Variants in INSL6 observed in about 807,000 individuals in gnomAD.
INSL6 encodes the protein insulin like 6.
INSL6 carries 16 observed loss-of-function variants against 9.4 expected under a neutral mutation model. The observed-to-expected ratio is 1.70, with a 90% confidence interval of 1.15 to 2.59. INSL6 has a LOEUF of 2.59. Ranked by LOEUF, INSL6 falls within the 30% of genes most tolerant of loss-of-function variation. The pLI is 0.00. For missense variants in INSL6, 391 were observed against 257.3 expected (o/e 1.52, Z -3.56); for synonymous variants, 154 against 96.9 (o/e 1.59, Z -3.46).
At chr9:5,016,880 A>G in the INSL6 span, among the ~76,000 whole-genome samples, 1 of 152,216 alleles carries the variant, frequency 6.6e-6, no homozygotes, top group Non-Finnish European at 1.5e-5. Context: ...AAAATAATTT[A>G]GAGGGAATAA....
At chr9:5,114,564 C>G in the INSL6 span, 1 of 489,346 alleles carries the variant, frequency 2.0e-6, no homozygotes, top group Non-Finnish European at 4.0e-6. Context: ...CTGCCTGATC[C>G]AGAACTTCTG....
At chr9:5,089,431 G>C in the INSL6 span, among the ~76,000 whole-genome samples, 62 of 151,526 alleles carry the variant, frequency 4.1e-4, 1 homozygote, top group East Asian at 1.9e-4. Flanking sequence ...CCAGCTACTG[G>C]GGAGGCTGAG....
the INSL6 span, among the ~76,000 whole-genome samples, chr9:5,101,288 C>T: frequency 1.3e-5 from 2 of 152,226 alleles, no homozygotes; most frequent in Non-Finnish European, 2.9e-5. Flanking sequence ...GCTAGCACAG[C>T]AGCCTAAGAT....
chr9:5,090,882 A>C, the INSL6 span: 42 of 1,606,842 alleles, frequency 2.6e-5, 1 homozygote, highest in Admixed American at 7.0e-4. Context: ...ACTATAAAGT[A>C]AAAGAACCTG....
chr9:5,120,793 G>A (rs1823555135), downstream of INSL6, among the ~76,000 whole-genome samples: 1 of 152,216 alleles, frequency 6.6e-6, no homozygotes, highest in African/African-American at 2.4e-5. Context: ...TTAGACACTG[G>A]AGTGAAAGAT....
At chr9:5,161,706 A>C (rs7023047), downstream of INSL6, among the ~76,000 whole-genome samples, 1 of 152,106 alleles carries the variant, frequency 6.6e-6, no homozygotes. Flanking sequence ...TCCACCAAAA[A>C]ATGATTAGAA....
At chr9:5,075,965 T>C in the INSL6 span, among the ~76,000 whole-genome samples, 1 of 152,162 alleles carries the variant, frequency 6.6e-6, no homozygotes, top group Non-Finnish European at 1.5e-5. Context: ...AAGTTCATTC[T>C]AACCCTCCTG....
intron 2 of INSL6, among the ~76,000 whole-genome samples, chr9:5,146,170 A>C (rs1282834473): frequency 6.6e-6 from 1 of 151,820 alleles, no homozygotes; most frequent in Non-Finnish European, 1.5e-5. Context: ...ATTGTGGTAT[A>C]AAGTGAACTC....
chr9:5,138,165 A>T (rs1824422624), intron 2 of INSL6, among the ~76,000 whole-genome samples: 1 of 152,190 alleles, frequency 6.6e-6, no homozygotes, highest in Non-Finnish European at 1.5e-5. Context: ...ATTGTGGAAG[A>T]TAGTGTGGCT....
At chr9:5,020,671 T>C in the INSL6 span, among the ~76,000 whole-genome samples, 1 of 152,132 alleles carries the variant, frequency 6.6e-6, no homozygotes, top group African/African-American at 2.4e-5. Flanking sequence ...CAGCCTGCAA[T>C]GGTGGCAGCT....
At chr9:5,042,421 GC>G in the INSL6 span, among the ~76,000 whole-genome samples, 3 of 152,160 alleles carry the variant, frequency 2.0e-5, no homozygotes, top group Non-Finnish European at 2.9e-5. Flanking sequence ...ACAGGCGTGA[GC>G]CACCGCGCCC....
the INSL6 span, among the ~76,000 whole-genome samples, chr9:5,095,436 C>T: frequency 6.6e-6 from 1 of 152,148 alleles, no homozygotes; most frequent in South Asian, 2.1e-4. Context: ...CTATAATTCT[C>T]ATGATGGGTA....
the INSL6 span, chr9:5,089,703 G>A: frequency 1.3e-6 from 2 of 1,486,848 alleles, no homozygotes; most frequent in Non-Finnish European, 1.8e-6. Context: ...AGATGTGCCG[G>A]TATGACCCTC....
intron 3 of INSL6, among the ~76,000 whole-genome samples, chr9:5,131,715 C>T (rs1337709979): frequency 1.3e-5 from 2 of 152,140 alleles, no homozygotes; most frequent in African/African-American, 4.8e-5. Flanking sequence ...GCTGGGATTA[C>T]AGGCATGAGG....
At chr9:5,012,624 T>A in the INSL6 span, among the ~76,000 whole-genome samples, 2 of 152,228 alleles carry the variant, frequency 1.3e-5, no homozygotes, top group African/African-American at 4.8e-5. Flanking sequence ...TTGTTATTTT[T>A]ATGAGCATAG....
chr9:5,054,976 G>A, the INSL6 span: 1 of 887,148 alleles, frequency 1.1e-6, no homozygotes, highest in African/African-American at 1.7e-5. This position sits in a 1 kb window ranked among gnomAD's most constrained non-coding sequence, Gnocchi z 4.9. Flanking sequence ...ACATGGTATT[G>A]CACTTCTCCC....
the INSL6 span, among the ~76,000 whole-genome samples, chr9:5,072,331 GA>G: frequency 2.6e-5 from 4 of 152,154 alleles, no homozygotes. Context: ...TAAGGAAGCA[GA>G]ATAAAAGCAT....
the INSL6 span, chr9:5,098,878 TAG>T: frequency 6.6e-6 from 1 of 152,164 alleles, no homozygotes; most frequent in Non-Finnish European, 1.5e-5. Flanking sequence ...GTATTTTTAG[TAG>T]AGACGGGGTT....
At chr9:5,106,181 C>CA in the INSL6 span, among the ~76,000 whole-genome samples, 1 of 151,970 alleles carries the variant, frequency 6.6e-6, no homozygotes. Flanking sequence ...GGCTAATATC[C>CA]AAAATCTACA....
Sources: gnomAD v4.1 joint callset for allele counts (sites outside exome capture counted in the v4.1 genomes callset) on GRCh38, gnomAD v4.1.1 for gene constraint, Gnocchi (gnomAD v3.1) non-coding constraint, MANE v1.5 for transcripts, NCBI Gene and HGNC (gene_info 2026-07-23, HGNC 2026-07-21) for gene names.